Variants in UNC80 observed in about 807,000 individuals in gnomAD.
UNC80 encodes protein unc-80 homolog.
UNC80 carries 164 observed loss-of-function variants against 384.6 expected under a neutral mutation model. That is an observed-to-expected ratio of 0.43 (90% CI 0.38 to 0.49). UNC80 has a LOEUF of 0.49. UNC80 is among the 20% of genes least tolerant of loss of function. The probability of loss-of-function intolerance (pLI) is 0.00; values close to 1 mark genes in which losing one functional copy is unlikely to be tolerated. For missense variants in UNC80, 3,330 were observed against 4,143.0 expected (o/e 0.80, Z 5.39); for synonymous variants, 1,486 against 1,527.8 (o/e 0.97, Z 0.64).
At chr2:209,844,539 C>CCTTCCTTA (rs2082037113) in intron 21 of UNC80, among the ~76,000 whole-genome samples, 2 of 122,546 alleles carry the variant, frequency 1.6e-5, no homozygotes, top group African/African-American at 6.3e-5. Flanking sequence ...TTCCTTCCTT[C>CCTTCCTTA]CTTCCTTCCT....
At chr2:209,943,751 G>A (rs971242276) in intron 45 of UNC80, among the ~76,000 whole-genome samples, 4 of 152,162 alleles carry the variant, frequency 2.6e-5, no homozygotes, top group East Asian at 3.9e-4. Context: ...TAGTAGTTGG[G>A]CATCTTATAT....
At chr2:209,918,104 A>G (rs2124948478) in intron 32 of UNC80, 146 bp downstream of exon 32, 1 of 763,776 alleles carries the variant, frequency 1.3e-6, no homozygotes, top group Admixed American at 2.9e-5. Flanking sequence ...ACATACATGA[A>G]TGCATTCCTA....
rs866697238 is a variant in UNC80 at position 209,891,096 on chromosome 2, C to T, written c.4276+2836C>T. Among the ~76,000 whole-genome samples the T allele has an allele frequency of 5.3e-5, 8 of 152,106 alleles. 1 individual carries two copies. In the Middle Eastern group the frequency reaches 0.024, roughly 453 times the overall value. On this transcript the variant is annotated intron_variant, in intron 26 of 64. Transcript: ENST00000673920. ...CAATGACTCAATAAATTTTGGATAACAACAAATGAACGATTCTTAGAAGGA... is the reference window on the plus strand; with the variant it reads ...CAATGACTCAATAAATTTTGGATAATAACAAATGAACGATTCTTAGAAGGA...
In UNC80 at chr2:209,839,518, A is replaced by C. The variant is rs1417739436; in HGVS notation, c.3250+88A>C. On this transcript the variant is annotated intron_variant, in intron 19 of 64. Coordinates refer to ENST00000673920, the MANE Select transcript of UNC80 (RefSeq NM_001371986.1). The surrounding 1 kb of genome is among the most constrained non-coding windows in gnomAD (Gnocchi z 4.1). ...TCAGTGATGCATAGTAGGGCCGAAA[A>C]AGAAGACCTTCAAGTCATAAGACCT... The C allele has an allele frequency of 3.7e-6, 5 of 1,363,524 alleles. No homozygotes were observed. The Admixed American group carries it at 1.0e-4, about 28-fold the overall frequency. 84.5% of individuals were successfully genotyped at this position (1,363,524 alleles called of 1,614,324 possible). A position where few individuals can be genotyped will look rare whatever the true frequency, so the allele number is the denominator to read the frequency against.
intron 47 of UNC80, among the ~76,000 whole-genome samples, chr2:209,948,153 G>T (rs920688837): frequency 6.6e-6 from 1 of 152,054 alleles, no homozygotes; most frequent in African/African-American, 2.4e-5. Context: ...GAATGTTTTT[G>T]TATATGTCTT....
At chr2:209,983,494 C>G (rs2723225) in intron 60 of UNC80, among the ~76,000 whole-genome samples, 68,702 of 151,918 alleles carry the variant, frequency 0.45, 16,114 homozygotes, top group Middle Eastern at 0.71. Context: ...GTCTTATACA[C>G]AAAAAGTGTG....
rs944342953 is a variant in UNC80 at position 209,782,374 on chromosome 2, C to T, written c.601-3692C>T. On this transcript the variant is annotated intron_variant, in intron 4 of 64. Coordinates refer to ENST00000673920, the MANE Select transcript of UNC80 (RefSeq NM_001371986.1). ...CTTTTCTCATGTTGTTCTTGCTGAC[C>T]GGAATGCCCTCATACCTCACTTCTC... Among the ~76,000 whole-genome samples the T allele has an allele frequency of 7.9e-5, 12 of 152,006 alleles. No individual in the cohort carries two copies. The East Asian group carries it at 1.3e-3, about 17-fold the overall frequency.
intron 25 of UNC80, among the ~76,000 whole-genome samples, chr2:209,881,558 A>G (rs892763082): frequency 6.6e-6 from 1 of 152,116 alleles, no homozygotes; most frequent in Non-Finnish European, 1.5e-5. Context: ...CCAAACGTAC[A>G]TTGTTATTTC....
intron 62 of UNC80, among the ~76,000 whole-genome samples, chr2:209,992,944 A>G (rs2125033296): frequency 6.6e-6 from 1 of 152,326 alleles, no homozygotes; most frequent in East Asian, 1.9e-4. Context: ...CTTGGCCAGC[A>G]TCTGAGGTTT....
Position 209,881,106 on chromosome 2 carries a change from C to T in UNC80, c.4110+12C>T. ...CTGAGCCTCTGGTGGTAAGTTAAAG[C>T]ATGCAAGTTAATAATCAGGTTACTC... On this transcript the variant is annotated intron_variant, in intron 25 of 64. Transcript: ENST00000673920. 6.4e-7 allele frequency: 1 copy of T among 1,551,446 alleles called. No individual in the cohort carries two copies. The highest frequency in any genetic ancestry group is 8.7e-7 in the Non-Finnish European group (1 of 1,146,866).
intron 13 of UNC80, among the ~76,000 whole-genome samples, chr2:209,822,268 A>G (rs1031816651): frequency 6.6e-6 from 1 of 152,238 alleles, no homozygotes; most frequent in African/African-American, 2.4e-5. Flanking sequence ...CACCTTATCT[A>G]TCACTGAGGA....
At chr2:209,921,412 C>T (rs2090031143) in intron 33 of UNC80, 88 bp from the exon 34 acceptor site, 2 of 1,277,052 alleles carry the variant, frequency 1.6e-6, no homozygotes, top group Admixed American at 2.8e-5. Flanking sequence ...CAAACTACTA[C>T]GTTTGTGTCA....
chr2:209,972,822 A>C (rs1375679455), intron 55 of UNC80, among the ~76,000 whole-genome samples: 1 of 152,202 alleles, frequency 6.6e-6, no homozygotes, highest in Non-Finnish European at 1.5e-5. Context: ...GGAGATTGAA[A>C]TGGTAAGCGA....
chr2:209,873,574 C>A (rs1361911622), intron 23 of UNC80, among the ~76,000 whole-genome samples: 1 of 152,008 alleles, frequency 6.6e-6, no homozygotes, highest in Admixed American at 6.5e-5. Flanking sequence ...ACAAAATGGA[C>A]CCTTAAAATA....
In UNC80 at chr2:209,819,240, G is replaced by T. The variant is rs781334539; in HGVS notation, c.1941G>T (p.Lys647Asn). ...HIDGTNNFVHKNGMLDLSVVL... is the reference protein window; with the variant it reads ...HIDGTNNFVHNNGMLDLSVVL... ...ACGGGACCAATAACTTTGTCCACAA[G>T]AATGGAATGCTTGATCTTTCTGTAA... The change falls in exon 12 of 65, where the codon AAG becomes AAT. Residue 647 changes from lysine to asparagine, a missense_variant. Physicochemically the swap from Lys to Asn is moderately conservative, Grantham distance 94. Coordinates refer to ENST00000673920, the MANE Select transcript of UNC80 (RefSeq NM_001371986.1). 9 of 1,550,054 alleles carry T rather than the reference G, an allele frequency of 5.8e-6. No homozygotes were observed. Among genetic ancestry groups the T allele is most frequent in the Non-Finnish European group, 7.0e-6 (8 of 1,146,034 alleles).
intron 7 of UNC80, chr2:209,809,447 C>G: frequency 6.8e-7 from 1 of 1,474,756 alleles, no homozygotes; most frequent in Non-Finnish European, 9.5e-7. Context: ...GCCGACCGCT[C>G]CAACCTGCGG....
chr2:209,844,017 G>A (rs930830589), intron 21 of UNC80, among the ~76,000 whole-genome samples: 1 of 151,998 alleles, frequency 6.6e-6, no homozygotes, highest in African/African-American at 2.4e-5. Context: ...AGAATTTGGC[G>A]AGGGCAAACA....
intron 7 of UNC80, 120 bp from the exon 8 acceptor site, chr2:209,813,460 G>T (rs1016921198): frequency 1.8e-6 from 2 of 1,091,042 alleles, no homozygotes; most frequent in African/African-American, 1.6e-5. Flanking sequence ...AGTAAACTAC[G>T]TAAGAAACAA....
intron 14 of UNC80, among the ~76,000 whole-genome samples, chr2:209,827,189 C>T (rs530027759): frequency 6.6e-6 from 1 of 152,214 alleles, no homozygotes; most frequent in East Asian, 1.9e-4. Context: ...AAGCTGGCAT[C>T]TCCCCCATCT....
Sources: gnomAD v4.1 joint callset for allele counts (sites outside exome capture counted in the v4.1 genomes callset) on GRCh38, gnomAD v4.1.1 for gene constraint, Gnocchi (gnomAD v3.1) non-coding constraint, MANE v1.5 for transcripts, NCBI Gene and HGNC (gene_info 2026-07-23, HGNC 2026-07-21) for gene names.